DLC1: variants seen among roughly 807,000 people sequenced by gnomAD.
The protein encoded by DLC1 is rho GTPase-activating protein 7.
A neutral mutation model predicts 140.3 loss-of-function variants in DLC1; 54 were observed. The ratio of observed to expected loss-of-function variants is 0.38; its 90% confidence interval spans 0.31 to 0.48. The LOEUF is 0.48. DLC1 is among the 20% of genes least tolerant of loss of function. The probability of loss-of-function intolerance (pLI) is 0.96; values close to 1 mark genes in which losing one functional copy is unlikely to be tolerated. For missense variants in DLC1, 2,536 were observed against 1,907.0 expected (o/e 1.33, Z -6.14); for synonymous variants, 986 against 728.1 (o/e 1.35, Z -5.70).
chr8:13,543,033 C>G (rs12543310), intron 1 of DLC1, among the ~76,000 whole-genome samples: 26,903 of 151,936 alleles, frequency 0.18, 2,765 homozygotes, highest in Non-Finnish European at 0.23. Flanking sequence ...TAATTATAAA[C>G]TAGCTTTGCA....
rs188907099 is a variant in DLC1, at chr8:13,214,522, C to G, written c.1348+90747G>C. On this transcript the variant is annotated intron_variant, in intron 5 of 17. Transcript: ENST00000276297. ...TGGTGAAACTGGCATATTGTCACAT[C>G]TTACTGAAGAGCTGTCCCCCGGCCC... 3.4e-3 allele frequency: 2,283 copies of G among 679,540 alleles called. 47 individuals carry two copies. Among genetic ancestry groups the G allele is most frequent in the Non-Finnish European group, 5.7e-4 (216 of 380,734 alleles). The allele number at this position is 679,540 out of a possible 1,614,324, so 42.1% of individuals were successfully genotyped here.
chr8:13,304,703 C>G (rs923388007), intron 5 of DLC1: 1 of 961,150 alleles, frequency 1.0e-6, no homozygotes, highest in African/African-American at 1.8e-5. Context: ...ATCTACCAAT[C>G]CATGTCTAAT....
intron 2 of DLC1, among the ~76,000 whole-genome samples, chr8:13,462,035 T>G (rs572126732): frequency 2.6e-5 from 4 of 152,290 alleles, no homozygotes; most frequent in African/African-American, 9.6e-5. Flanking sequence ...CTGTTCCATC[T>G]TTGTATTACA....
intron 5 of DLC1, among the ~76,000 whole-genome samples, chr8:13,130,848 T>A: frequency 6.6e-6 from 1 of 152,202 alleles, no homozygotes; most frequent in East Asian, 1.9e-4. Flanking sequence ...AAAATAAGTA[T>A]TTGTCAAAAG....
rs1384890758 is a variant in DLC1, at chr8:13,356,374, A to C, written c.1314+37179T>G. Among the ~76,000 whole-genome samples, 3 of 152,286 alleles carry C rather than the reference A, an allele frequency of 2.0e-5. No homozygotes were observed. The East Asian group carries it at 5.8e-4, about 29-fold the overall frequency. ...GCATAAGTTGTCCACATTCCTCAGA[A>C]AGATATTCAAAGCCGTTTACAGTTT... On this transcript the variant is annotated intron_variant, in intron 4 of 17. Coordinates refer to ENST00000276297, the MANE Select transcript of DLC1 (RefSeq NM_182643.3).
chr8:13,381,521 G>C (rs576466687), intron 4 of DLC1, among the ~76,000 whole-genome samples: 1 of 152,146 alleles, frequency 6.6e-6, no homozygotes, highest in African/African-American at 2.4e-5. Context: ...TTGAAAGCTA[G>C]GTCATAAAAG....
chr8:13,190,114 A>G (rs1009643566), intron 5 of DLC1, among the ~76,000 whole-genome samples: 1 of 152,210 alleles, frequency 6.6e-6, no homozygotes, highest in Admixed American at 6.5e-5. Flanking sequence ...TGTATTCCAA[A>G]TATCATTTTG....
chr8:13,358,429 CA>C (rs1486928215), intron 4 of DLC1, among the ~76,000 whole-genome samples: 3 of 151,902 alleles, frequency 2.0e-5, no homozygotes, highest in Admixed American at 1.3e-4. Flanking sequence ...GCATTTAGTC[CA>C]AAAAAAGTGC....
intron 2 of DLC1, among the ~76,000 whole-genome samples, chr8:13,489,461 C>A (rs1307062199): frequency 8.3e-6 from 1 of 120,230 alleles, no homozygotes; most frequent in Non-Finnish European, 1.8e-5. Flanking sequence ...AATGTTGCTA[C>A]TATTAAGAAT....
chr8:13,321,178 G>A (rs1358765250), intron 4 of DLC1, among the ~76,000 whole-genome samples: 6 of 152,220 alleles, frequency 3.9e-5, no homozygotes, highest in Admixed American at 6.5e-5. Context: ...AAATACTTAC[G>A]TCTATTCACC....
At chr8:13,151,837 A>C (rs149142852) in intron 5 of DLC1, among the ~76,000 whole-genome samples, 1 of 152,202 alleles carries the variant, frequency 6.6e-6, no homozygotes, top group African/African-American at 2.4e-5. Context: ...AAAATTTTAT[A>C]CCATTTACAT....
intron 3 of DLC1, among the ~76,000 whole-genome samples, chr8:13,397,301 T>C (rs1394976727): frequency 6.6e-6 from 1 of 152,040 alleles, no homozygotes; most frequent in African/African-American, 2.4e-5. Context: ...AATCTAGATA[T>C]AAGATTTCAG....
chr8:13,120,356 A>AAAATATATATATATATAT lies in DLC1; in HGVS notation c.1349-4700_1349-4699insATATATATATATATATTT. 8.4e-4 allele frequency among the ~76,000 whole-genome samples: 51 copies of AAAATATATATATATATAT among 60,958 alleles called. 1 individual carries two copies. The highest frequency in any genetic ancestry group is 3.0e-3 in the South Asian group (4 of 1,340). The allele number at this position is 60,958 out of a possible 152,430, so 40.0% of individuals were successfully genotyped here. A position where few individuals can be genotyped will look rare whatever the true frequency, so the allele number is the denominator to read the frequency against. ...AGACTCCGTCGCAAAAAAAAAAAAA[A>AAAATATATATATATATAT]ATATATATATATATAAAATGTATAT... On this transcript the variant is annotated intron_variant, in intron 5 of 17. Transcript: ENST00000276297.
At chr8:13,162,512 G>A (rs541678254) in intron 5 of DLC1, among the ~76,000 whole-genome samples, 8 of 152,232 alleles carry the variant, frequency 5.3e-5, no homozygotes, top group South Asian at 2.1e-4. Flanking sequence ...TAGTAGAGAC[G>A]GGGTTTCACC....
At chr8:13,112,393 T>C (rs1820191850) in intron 6 of DLC1, among the ~76,000 whole-genome samples, 1 of 152,350 alleles carries the variant, frequency 6.6e-6, no homozygotes, top group East Asian at 1.9e-4. Context: ...TCAGAATGAG[T>C]ATAAAGTTAT....
At chr8:13,411,100 A>G (rs1837761371) in intron 2 of DLC1, among the ~76,000 whole-genome samples, 1 of 152,172 alleles carries the variant, frequency 6.6e-6, no homozygotes, top group African/African-American at 2.4e-5. Flanking sequence ...GTATGTCCCC[A>G]TAAACACCTG....
In DLC1 at chr8:13,552,111, GTATATA is replaced by G. The variant is rs3066465; in HGVS notation, c.-125-51921_-125-51916del. On this transcript the variant is annotated intron_variant, in intron 1 of 1. Coordinates refer to the DLC1 transcript ENST00000631382. Reference sequence around the variant, plus strand: ...TATATGTATGTACCTGTCTAGAGGTGTATATATATATATATATATATATATATATAT... The same window carrying G: ...TATATGTATGTACCTGTCTAGAGGTGTATATATATATATATATATATATAT... 1.1e-3 allele frequency among the ~76,000 whole-genome samples: 61 copies of G among 54,528 alleles called. 1 individual carries two copies. Among genetic ancestry groups the G allele is most frequent in the Middle Eastern group, 0.023 (1 of 44 alleles). 35.8% of individuals were successfully genotyped at this position (54,528 alleles called of 152,430 possible). A position where few individuals can be genotyped will look rare whatever the true frequency, so the allele number is the denominator to read the frequency against.
chr8:13,480,179 A>C (rs562728354), intron 2 of DLC1, among the ~76,000 whole-genome samples: 2 of 152,374 alleles, frequency 1.3e-5, no homozygotes, highest in East Asian at 3.9e-4. Context: ...CCAGTTTCTC[A>C]AGGGAAAAAA....
chr8:13,415,053 T>C (rs113148211), intron 2 of DLC1, among the ~76,000 whole-genome samples: 1 of 152,090 alleles, frequency 6.6e-6, no homozygotes, highest in Non-Finnish European at 1.5e-5. Flanking sequence ...ACCTTGTGAT[T>C]TGCCCACCTT....
Sources: gnomAD v4.1 joint callset for allele counts (sites outside exome capture counted in the v4.1 genomes callset) on GRCh38, gnomAD v4.1.1 for gene constraint, MANE v1.5 for transcripts, NCBI Gene and HGNC (gene_info 2026-07-23, HGNC 2026-07-21) for gene names.